The following DNAJC24 variants were observed in gnomAD, a reference collection of about 807,000 sequenced individuals.
The protein encoded by DNAJC24 is DnaJ heat shock protein family (Hsp40) member C24, also known as dnaJ homolog subfamily C member 24.
Under a neutral mutation model 18.0 loss-of-function variants are expected in DNAJC24, and 17 were observed. The ratio of observed to expected loss-of-function variants is 0.94; its 90% CI spans 0.65 to 1.42. The LOEUF (loss-of-function observed/expected upper bound fraction) is 1.42. Ranked by LOEUF, DNAJC24 falls within the 40% of genes most tolerant of loss-of-function variation. The pLI is 0.00. For missense variants in DNAJC24, 158 were observed against 175.6 expected (o/e 0.90, Z 0.57); for synonymous variants, 55 against 57.7 (o/e 0.95, Z 0.21).
intron 2 of DNAJC24, among the ~76,000 whole-genome samples, chr11:31,384,350 G>A (rs1030585954): frequency 1.3e-5 from 2 of 152,120 alleles, no homozygotes; most frequent in African/African-American, 4.8e-5. Flanking sequence ...GCTTATGCCT[G>A]TGGCTCCCTC....
chr11:31,426,420 ACT>A, intron 4 of DNAJC24, 65 bp downstream of exon 4: 1 of 901,986 alleles, frequency 1.1e-6, no homozygotes, highest in Non-Finnish European at 1.7e-6. Context: ...AGAAAAAAAA[ACT>A]CATTGGATAT....
chr11:31,399,080 A>G (rs568210376), intron 2 of DNAJC24, among the ~76,000 whole-genome samples: 4 of 152,252 alleles, frequency 2.6e-5, no homozygotes, highest in Admixed American at 1.3e-4. Flanking sequence ...GGGGGAGTGG[A>G]GGTGTCTGGG....
At chr11:31,417,952 A>AC (rs1311913519) in intron 3 of DNAJC24, among the ~76,000 whole-genome samples, 3 of 152,106 alleles carry the variant, frequency 2.0e-5, no homozygotes, top group Non-Finnish European at 2.9e-5. Flanking sequence ...AGGGCAGATA[A>AC]CCCAAAGTAT....
intron 2 of DNAJC24, among the ~76,000 whole-genome samples, chr11:31,405,772 T>A (rs1268109926): frequency 1.3e-5 from 2 of 152,074 alleles, no homozygotes; most frequent in African/African-American, 2.4e-5. Context: ...TCATTTATAA[T>A]GAAAAAAAAT....
Position 31,372,756 on chromosome 11 carries a change from A to G in DNAJC24, c.111+1897A>G, listed in dbSNP as rs1425812470. ...ATATTTGATGTTATTGGTCTCTTTC[A>G]TTTTGGCTATTGGAGTTTTTGCAAT... On this transcript the variant is annotated intron_variant, in intron 2 of 4. Coordinates refer to ENST00000465995, the MANE Select transcript of DNAJC24 (RefSeq NM_181706.5). Among the ~76,000 whole-genome samples, 2 of 135,738 alleles carry G rather than the reference A, an allele frequency of 1.5e-5. 1 individual carries two copies. Among genetic ancestry groups the G allele is most frequent in the Non-Finnish European group, 3.4e-5 (2 of 58,662 alleles). 89.0% of individuals were successfully genotyped at this position (135,738 alleles called of 152,430 possible).
chr11:31,370,114 G>T (rs1314777893), intron 1 of DNAJC24, among the ~76,000 whole-genome samples: 7 of 152,118 alleles, frequency 4.6e-5, no homozygotes, highest in Non-Finnish European at 8.8e-5. Flanking sequence ...TGGAAGACTG[G>T]GGCATCCTCG....
At chr11:31,399,693 T>C (rs954598782) in intron 2 of DNAJC24, among the ~76,000 whole-genome samples, 18 of 149,756 alleles carry the variant, frequency 1.2e-4, no homozygotes, top group African/African-American at 4.4e-4. Context: ...GTTACAGGCG[T>C]GAGCCACCAT....
intron 2 of DNAJC24, among the ~76,000 whole-genome samples, chr11:31,378,798 A>G (rs1259374228): frequency 6.6e-6 from 1 of 152,198 alleles, no homozygotes; most frequent in African/African-American, 2.4e-5. Flanking sequence ...TACACTAGAA[A>G]CTTGGTGAAA....
intron 2 of DNAJC24, among the ~76,000 whole-genome samples, chr11:31,380,192 G>A (rs949802361): frequency 2.2e-4 from 33 of 152,166 alleles, no homozygotes; most frequent in Admixed American, 9.8e-4. Context: ...AAGAATTATA[G>A]CGTTTCAGAA....
At chr11:31,410,094 G>C (rs1191210698) in intron 2 of DNAJC24, among the ~76,000 whole-genome samples, 1 of 151,984 alleles carries the variant, frequency 6.6e-6, no homozygotes, top group East Asian at 1.9e-4. Context: ...TGGTGGTCAG[G>C]CTAGTCTCAA....
At chr11:31,381,169 C>T (rs1192094454) in intron 2 of DNAJC24, among the ~76,000 whole-genome samples, 2 of 152,106 alleles carry the variant, frequency 1.3e-5, no homozygotes, top group Admixed American at 1.3e-4. Context: ...CATGAAGCAT[C>T]GTTAAAATTT....
At chr11:31,396,556 G>C (rs1467444170) in intron 2 of DNAJC24, among the ~76,000 whole-genome samples, 1 of 152,028 alleles carries the variant, frequency 6.6e-6, no homozygotes, top group Non-Finnish European at 1.5e-5. Flanking sequence ...GTTTCCCCTT[G>C]TCTGACTCCC....
chr11:31,379,618 T>G (rs1330016397), intron 2 of DNAJC24, among the ~76,000 whole-genome samples: 1 of 152,214 alleles, frequency 6.6e-6, no homozygotes, highest in African/African-American at 2.4e-5. Flanking sequence ...GTAATCTGTC[T>G]CTCATTTGCC....
chr11:31,426,276 A>G lies in DNAJC24; in HGVS notation c.251-11A>G. 1 of 1,499,726 alleles carries G rather than the reference A, an allele frequency of 6.7e-7. No homozygotes were observed. 92.9% of individuals were successfully genotyped at this position (1,499,726 alleles called of 1,614,324 possible). ...GTTTTACAATTAAGTGTCATGTTTT[A>G]TGTTTTACAGAAGATGATCTAAGAA... On this transcript the variant is annotated splice_polypyrimidine_tract_variant and intron_variant, in intron 3 of 4. Coordinates refer to ENST00000465995, the MANE Select transcript of DNAJC24 (RefSeq NM_181706.5).
At chr11:31,392,611 A>T (rs151073755) in intron 2 of DNAJC24, among the ~76,000 whole-genome samples, 293 of 152,174 alleles carry the variant, frequency 1.9e-3, no homozygotes, top group African/African-American at 6.7e-3. Flanking sequence ...TCTGTGAGGC[A>T]GGGCCTTTCA....
Position 31,430,568 on chromosome 11 carries a change from ATTAT to A in DNAJC24, c.*174_*177del, listed in dbSNP as rs1952912554. On this transcript the variant is annotated 3_prime_UTR_variant, in exon 5 of 5. Coordinates refer to ENST00000465995, the MANE Select transcript of DNAJC24 (RefSeq NM_181706.5). ...CTCAGATTAATAGAGAATGAATATA[ATTAT>A]TTATTTGTATTTATAATTTATATTT... 8 of 349,278 alleles carry A rather than the reference ATTAT, an allele frequency of 2.3e-5. No individual in the cohort carries two copies. Among genetic ancestry groups the A allele is most frequent in the African/African-American group, 4.2e-5 (2 of 47,060 alleles). The allele number at this position is 349,278 out of a possible 1,614,324, so 21.6% of individuals were successfully genotyped here.
intron 3 of DNAJC24, chr11:31,416,950 G>C (rs1952756176): frequency 6.6e-6 from 1 of 152,074 alleles, no homozygotes; most frequent in African/African-American, 2.4e-5. Context: ...TGTGTCACAG[G>C]GTACTCCTGT....
chr11:31,411,295 C>T (rs1488814052), intron 2 of DNAJC24, among the ~76,000 whole-genome samples: 5 of 152,122 alleles, frequency 3.3e-5, no homozygotes, highest in Non-Finnish European at 5.9e-5. Context: ...TTATGAGTAG[C>T]CCTTGTAATT....
chr11:31,398,672 A>G (rs1374506175), intron 2 of DNAJC24, among the ~76,000 whole-genome samples: 2 of 152,206 alleles, frequency 1.3e-5, no homozygotes, highest in Non-Finnish European at 2.9e-5. Flanking sequence ...ATTCAAAGCC[A>G]CTGAACTAGT....
Sources: allele counts gnomAD v4.1 joint callset (sites outside exome capture counted in the v4.1 genomes callset), GRCh38; gene constraint gnomAD v4.1.1; transcripts MANE v1.5; gene names NCBI Gene and HGNC (gene_info 2026-07-23, HGNC 2026-07-21).